Variants in SCN3A observed in about 807,000 individuals in gnomAD.
The protein encoded by SCN3A is sodium voltage-gated channel alpha subunit 3.
SCN3A carries 60 observed loss-of-function variants against 187.6 expected under a neutral mutation model. The ratio of observed to expected loss-of-function variants is 0.32; its 90% CI spans 0.26 to 0.40. The LOEUF (loss-of-function observed/expected upper bound fraction) is 0.40, where lower values mean the gene tolerates loss of function less well. Among genes scored for constraint, SCN3A ranks in the 10% least tolerant of loss-of-function variants. SCN3A has a pLI of 1.00. For missense variants in SCN3A, 1,601 were observed against 2,428.2 expected (o/e 0.66, Z 7.16); for synonymous variants, 788 against 829.2 (o/e 0.95, Z 0.85).
chr2:165,192,631 C>G (rs1396513095), intron 1 of SCN3A, among the ~76,000 whole-genome samples: 4 of 152,086 alleles, frequency 2.6e-5, no homozygotes, highest in Non-Finnish European at 2.9e-5. Flanking sequence ...TGTATATTTC[C>G]ATTCCTTAAA....
At position 165,159,455 on chromosome 2, in the gene SCN3A, C is replaced by A. The variant is rs1447870274; in HGVS notation, c.1031+2853G>T. 1.5e-5 allele frequency among the ~76,000 whole-genome samples: 2 copies of A among 137,210 alleles called. 1 individual carries two copies. The highest frequency in any genetic ancestry group is 3.0e-5 in the Non-Finnish European group (2 of 66,574). The allele number at this position is 137,210 out of a possible 152,430, so 90.0% of individuals were successfully genotyped here. ...CACTGCAGCCTCGACCTCCCAGGCTCAAGTAATCCTTCTGCCTCAGCCTCC... is the reference window on the plus strand; with the variant it reads ...CACTGCAGCCTCGACCTCCCAGGCTAAAGTAATCCTTCTGCCTCAGCCTCC... On this transcript the variant is annotated intron_variant, in intron 9 of 27. Transcript: ENST00000283254.
At chr2:165,185,061 GA>G (rs1038236736) in intron 2 of SCN3A, among the ~76,000 whole-genome samples, 202 of 132,212 alleles carry the variant, frequency 1.5e-3, no homozygotes, top group Middle Eastern at 4.0e-3. Context: ...TCATGGCTCT[GA>G]AAAAAAAAAA....
intron 27 of SCN3A, chr2:165,091,988 G>T: frequency 2.0e-6 from 1 of 510,706 alleles, no homozygotes; most frequent in Non-Finnish European, 3.5e-6. Context: ...TGTGACCTTG[G>T]TTTAAGATTA....
At chr2:165,109,764 T>C (rs1025165090) in intron 21 of SCN3A, among the ~76,000 whole-genome samples, 2 of 152,180 alleles carry the variant, frequency 1.3e-5, no homozygotes, top group African/African-American at 4.8e-5. Context: ...GGGCTTCTCA[T>C]GGTCATTATA....
chr2:165,094,337 T>C (rs1216478555), intron 26 of SCN3A, 37 bp downstream of exon 26: 6 of 1,446,450 alleles, frequency 4.1e-6, no homozygotes, highest in Non-Finnish European at 5.8e-6. Context: ...TATGGACGCA[T>C]GGCTTTGGAA....
intron 27 of SCN3A, 82 bp from the exon 28 acceptor site, chr2:165,091,427 A>G (rs967977403): frequency 2.0e-6 from 3 of 1,521,082 alleles, no homozygotes; most frequent in East Asian, 4.5e-5. Context: ...GTCTATGAAC[A>G]CAACAAACTT....
chr2:165,203,333 T>C (rs1349081738), intron 1 of SCN3A, among the ~76,000 whole-genome samples: 1 of 152,036 alleles, frequency 6.6e-6, no homozygotes, highest in African/African-American at 2.4e-5. Context: ...AATGATAGTG[T>C]ATTTCACAAA....
chr2:165,157,341 C>G (rs1689122375), intron 9 of SCN3A, among the ~76,000 whole-genome samples: 1 of 152,114 alleles, frequency 6.6e-6, no homozygotes, highest in Non-Finnish European at 1.5e-5. Flanking sequence ...TTTTTGATGA[C>G]CACAACAGTT....
rs868584643 is a variant in SCN3A at position 165,146,765 on chromosome 2, C to G, written c.1645G>C (p.Asp549His). Residue 549 changes from aspartate to histidine, a missense_variant, in exon 12 of 28, where the codon GAC (aspartate) becomes CAC (histidine). Physicochemically the swap from Asp to His is moderately conservative, Grantham distance 81 (BLOSUM62 -1). Transcript: ENST00000283254. ...TGATGAGGGGAGCAGAATTTTTTGT[C>G]ACTGGTCAGTCTGTTTCCATCCATG... ...FSMDGNRLTS[D>H]KKFCSPHQSL... 6.2e-7 allele frequency: 1 copy of G among 1,613,960 alleles called. No homozygotes were observed.
chr2:165,095,418 A>T, intron 25 of SCN3A, 93 bp downstream of exon 25: 1 of 1,277,568 alleles, frequency 7.8e-7, no homozygotes, highest in South Asian at 1.2e-5. Flanking sequence ...AACATGATTT[A>T]AGTCTGTCAT....
intron 18 of SCN3A, among the ~76,000 whole-genome samples, chr2:165,127,068 C>G (rs544370524): frequency 6.6e-6 from 1 of 151,930 alleles, no homozygotes; most frequent in South Asian, 2.1e-4. Flanking sequence ...TGGAAGGCTA[C>G]TTTTTTTTGA....
intron 14 of SCN3A, among the ~76,000 whole-genome samples, chr2:165,138,396 C>T (rs1687799244): frequency 6.6e-6 from 1 of 152,068 alleles, no homozygotes; most frequent in South Asian, 2.1e-4. Flanking sequence ...GATTAAAGTG[C>T]TGTATTCTCT....
At chr2:165,129,863 G>A in intron 17 of SCN3A, 77 bp downstream of exon 17, 3 of 1,565,632 alleles carry the variant, frequency 1.9e-6, no homozygotes, top group Non-Finnish European at 2.6e-6. Context: ...CCAGAGATAT[G>A]TTTACTACAT....
chr2:165,191,622 A>G (rs1356504302), intron 1 of SCN3A, among the ~76,000 whole-genome samples: 2 of 152,120 alleles, frequency 1.3e-5, no homozygotes, highest in Non-Finnish European at 2.9e-5. Flanking sequence ...GTCTTGGCCA[A>G]AAGTTTACTG....
chr2:165,144,745 AT>A (rs1402906643), intron 12 of SCN3A, among the ~76,000 whole-genome samples: 8 of 151,752 alleles, frequency 5.3e-5, no homozygotes, highest in African/African-American at 1.7e-4. Flanking sequence ...TCTATAACTT[AT>A]TTATTTTATT....
At chr2:165,133,954 G>A (rs546921348) in intron 15 of SCN3A, among the ~76,000 whole-genome samples, 20 of 152,088 alleles carry the variant, frequency 1.3e-4, no homozygotes, top group African/African-American at 4.8e-4. Context: ...TGTTTTTTAA[G>A]GGACACCATC....
chr2:165,149,211 T>C (rs1688531543), intron 11 of SCN3A, among the ~76,000 whole-genome samples: 2 of 151,760 alleles, frequency 1.3e-5, no homozygotes, highest in Admixed American at 6.6e-5. Context: ...GGTCTCACTC[T>C]GTCGCCCAGG....
At chr2:165,100,516 T>G in intron 21 of SCN3A, 92 bp from the exon 22 acceptor site, 1 of 1,354,518 alleles carries the variant, frequency 7.4e-7, no homozygotes, top group South Asian at 1.2e-5. Context: ...GCAGACTAAA[T>G]ACTAATTTGG....
At chr2:165,154,868 T>C (rs1376672607) in intron 10 of SCN3A, among the ~76,000 whole-genome samples, 1 of 152,164 alleles carries the variant, frequency 6.6e-6, no homozygotes, top group East Asian at 1.9e-4. Context: ...TGGATATAAA[T>C]ACATTTTAAA....
Sources: allele counts gnomAD v4.1 joint callset (sites outside exome capture counted in the v4.1 genomes callset), GRCh38; gene constraint gnomAD v4.1.1; transcripts MANE v1.5; gene names NCBI Gene and HGNC (gene_info 2026-07-23, HGNC 2026-07-21).